The following CSGALNACT1 variants were observed in gnomAD, a reference collection of about 807,000 sequenced individuals.
CSGALNACT1 encodes chondroitin sulfate N-acetylgalactosaminyltransferase 1.
Under a neutral mutation model 51.0 loss-of-function variants are expected in CSGALNACT1, and 52 were observed. The ratio of observed to expected loss-of-function variants is 1.02; its 90% CI spans 0.82 to 1.29. CSGALNACT1 has a LOEUF of 1.29. Ranked by LOEUF, CSGALNACT1 falls within the 50% of genes most tolerant of loss-of-function variation. The pLI, the probability that CSGALNACT1 is intolerant of heterozygous loss-of-function variation, is 0.00. For missense variants in CSGALNACT1, 935 were observed against 679.2 expected, an observed-to-expected ratio of 1.38 and a Z score of -4.19; for synonymous variants, 341 against 254.4, an observed-to-expected ratio of 1.34 and a Z score of -3.24.
chr8:19,559,186 C>T (rs77156142), intron 3 of CSGALNACT1, among the ~76,000 whole-genome samples: 1 of 152,046 alleles, frequency 6.6e-6, no homozygotes, highest in Non-Finnish European at 1.5e-5. Flanking sequence ...TACAAAGCCC[C>T]ACAATTTTAG....
intron 1 of CSGALNACT1, among the ~76,000 whole-genome samples, chr8:19,642,188 AGTTTTT>A (rs1205364127): frequency 1.3e-5 from 2 of 152,190 alleles, no homozygotes; most frequent in Non-Finnish European, 2.9e-5. Flanking sequence ...GTTTCCCTTT[AGTTTTT>A]ATTTTGTTTG....
chr8:19,469,614 T>C (rs2067618226), intron 4 of CSGALNACT1, among the ~76,000 whole-genome samples: 1 of 152,172 alleles, frequency 6.6e-6, no homozygotes, highest in Non-Finnish European at 1.5e-5. Flanking sequence ...CTGCCCTTTC[T>C]TTCTGCTCTG....
chr8:19,516,321 C>T (rs1215954937), intron 3 of CSGALNACT1, among the ~76,000 whole-genome samples: 1 of 152,148 alleles, frequency 6.6e-6, no homozygotes, highest in Non-Finnish European at 1.5e-5. Context: ...CAGAGCCCAG[C>T]TTCAAACCCA....
chr8:19,537,961 C>G (rs973526740), intron 3 of CSGALNACT1, among the ~76,000 whole-genome samples: 1 of 152,108 alleles, frequency 6.6e-6, no homozygotes, highest in Non-Finnish European at 1.5e-5. Context: ...AAGCTATGGA[C>G]TGGGGAAAAT....
rs568348329 is a variant in CSGALNACT1 at position 19,732,629 on chromosome 8, G to A, written c.-297+25221C>T. On this transcript the variant is annotated intron_variant, in intron 1 of 1. Transcript: ENST00000517494. ...AAAATAAACAGGAAAACAGCATCAA[G>A]GTTTATGAGTTAAAACAACATACAG... 9.9e-5 allele frequency: 15 copies of A among 152,244 alleles called. 1 individual carries two copies. The highest frequency in any genetic ancestry group is 3.4e-3 in the Middle Eastern group (1 of 294). The allele number at this position is 152,244 out of a possible 1,614,324, so 9.4% of individuals were successfully genotyped here.
At chr8:19,532,244 G>T (rs1226517760) in intron 3 of CSGALNACT1, among the ~76,000 whole-genome samples, 2 of 151,350 alleles carry the variant, frequency 1.3e-5, no homozygotes, top group East Asian at 3.9e-4. Context: ...TTTTGATCCT[G>T]GAAGCCCAGC....
chr8:19,493,971 T>A (rs976813853), intron 4 of CSGALNACT1, among the ~76,000 whole-genome samples: 2 of 152,084 alleles, frequency 1.3e-5, no homozygotes, highest in Non-Finnish European at 2.9e-5. Context: ...ACTGCCAAAC[T>A]ATTTTCCAAA....
intron 1 of CSGALNACT1, among the ~76,000 whole-genome samples, chr8:19,655,851 T>C (rs1029530597): frequency 6.6e-6 from 1 of 152,102 alleles, no homozygotes; most frequent in Non-Finnish European, 1.5e-5. Flanking sequence ...CAGCTCTCAG[T>C]CTGGTAATAG....
intron 3 of CSGALNACT1, among the ~76,000 whole-genome samples, chr8:19,534,370 G>T (rs2083352172): frequency 6.6e-6 from 1 of 152,098 alleles, no homozygotes; most frequent in Non-Finnish European, 1.5e-5. Context: ...AGAATAGCTT[G>T]AACCCAGGAG....
upstream of CSGALNACT1, among the ~76,000 whole-genome samples, chr8:19,604,087 T>C (rs1318060698): frequency 6.6e-6 from 1 of 152,210 alleles, no homozygotes. Context: ...GGAAAGTACA[T>C]GTCTCCTTAG....
intron 4 of CSGALNACT1, among the ~76,000 whole-genome samples, chr8:19,500,014 A>G (rs916014268): frequency 2.0e-5 from 3 of 152,146 alleles, no homozygotes; most frequent in African/African-American, 7.2e-5. Flanking sequence ...TCTTATCTCA[A>G]ATTTTGGAAT....
chr8:19,735,070 G>C (rs2063896844), intron 1 of CSGALNACT1, among the ~76,000 whole-genome samples: 1 of 152,120 alleles, frequency 6.6e-6, no homozygotes. Flanking sequence ...TGGGGCCAGA[G>C]TGCCAGAAGA....
chr8:19,531,499 A>G (rs1423800199), intron 3 of CSGALNACT1, among the ~76,000 whole-genome samples: 2 of 152,234 alleles, frequency 1.3e-5, no homozygotes, highest in East Asian at 1.9e-4. Context: ...ATACTATCAA[A>G]ATTTACAATG....
intron 1 of CSGALNACT1, among the ~76,000 whole-genome samples, chr8:19,620,430 C>CA (rs2053668681): frequency 7.0e-6 from 1 of 142,116 alleles, no homozygotes; most frequent in African/African-American, 2.6e-5. Context: ...GGAAAAGAAT[C>CA]TTTTTTTTTT....
intron 1 of CSGALNACT1, 87 bp from the exon 2 acceptor site, chr8:19,601,952 T>C (rs1241056005): frequency 2.2e-6 from 1 of 445,314 alleles, no homozygotes; most frequent in African/African-American, 2.0e-5. Flanking sequence ...ACATTTTAAA[T>C]CACTTAGTAT....
At chr8:19,627,722 G>T (rs531087165) in intron 1 of CSGALNACT1, among the ~76,000 whole-genome samples, 1 of 152,176 alleles carries the variant, frequency 6.6e-6, no homozygotes, top group Non-Finnish European at 1.5e-5. Flanking sequence ...CTACGTTGGA[G>T]GCTCAGGTGG....
chr8:19,601,068 A>G (rs918797018), intron 2 of CSGALNACT1, among the ~76,000 whole-genome samples: 1 of 152,170 alleles, frequency 6.6e-6, no homozygotes, highest in African/African-American at 2.4e-5. Context: ...ATTTTACAGT[A>G]CTTGTTTTAT....
intron 1 of CSGALNACT1, among the ~76,000 whole-genome samples, chr8:19,736,474 T>A (rs1360639591): frequency 6.6e-6 from 1 of 151,212 alleles, no homozygotes; most frequent in Non-Finnish European, 1.5e-5. Flanking sequence ...TAGGGTTTTA[T>A]CTCATGTGCT....
intron 1 of CSGALNACT1, among the ~76,000 whole-genome samples, chr8:19,667,920 TAAG>T (rs1367880200): frequency 6.6e-6 from 1 of 152,262 alleles, no homozygotes; most frequent in African/African-American, 2.4e-5. Context: ...CTAAATATTT[TAAG>T]AAGAAATAGA....
Sources: allele counts gnomAD v4.1 joint callset (sites outside exome capture counted in the v4.1 genomes callset), GRCh38; gene constraint gnomAD v4.1.1; transcripts MANE v1.5; gene names NCBI Gene and HGNC (gene_info 2026-07-23, HGNC 2026-07-21).